Variants in STK3 observed in about 807,000 individuals in gnomAD.
STK3 encodes serine/threonine kinase 3.
Under a neutral mutation model 58.0 loss-of-function variants are expected in STK3, and 41 were observed. The ratio of observed to expected loss-of-function variants is 0.71; its 90% confidence interval spans 0.55 to 0.92. The LOEUF (loss-of-function observed/expected upper bound fraction) is 0.92, where lower values mean the gene tolerates loss of function less well. Ranked by LOEUF, STK3 falls within the 40% of genes least tolerant of loss-of-function variation. The pLI is 0.00. For synonymous variants in STK3, 170 were observed against 191.0 expected, an observed-to-expected ratio of 0.89 and a Z score of 0.91; for missense variants, 479 against 602.7, an observed-to-expected ratio of 0.79 and a Z score of 2.15.
intron 3 of STK3, among the ~76,000 whole-genome samples, chr8:98,870,412 C>A (rs548911492): frequency 6.6e-6 from 1 of 152,182 alleles, no homozygotes; most frequent in East Asian, 1.9e-4. Context: ...CTTCAGAAAT[C>A]GCCACACTGT....
intron 6 of STK3, among the ~76,000 whole-genome samples, chr8:98,693,815 G>A (rs1448068788): frequency 6.6e-6 from 1 of 152,182 alleles, no homozygotes; most frequent in Admixed American, 6.5e-5. Flanking sequence ...CCACTACAGA[G>A]AATCAGTTTT....
intron 3 of STK3, chr8:98,427,826 C>G: frequency 1.6e-6 from 1 of 626,240 alleles, no homozygotes; most frequent in South Asian, 2.0e-5. Flanking sequence ...CAGCCCAGCC[C>G]TTCAGCACCC....
In STK3 at chr8:98,614,767, G is replaced by A. The variant is rs188645692; in HGVS notation, c.685-18598C>T. The stretch of plus-strand genomic sequence containing the variant: ...TTTTCAGACCGGCTTAAAAAACGGC[G>A]CACCACGAGACTATATCCCACACCT... On this transcript the variant is annotated intron_variant, in intron 6 of 10. Coordinates refer to ENST00000419617, the MANE Select transcript of STK3 (RefSeq NM_006281.4). Among the ~76,000 whole-genome samples the A allele has an allele frequency of 5.0e-3, 757 of 152,244 alleles. 2 individuals carry two copies. Among genetic ancestry groups the A allele is most frequent in the Non-Finnish European group, 7.4e-3 (500 of 68,016 alleles).
chr8:98,771,304 T>G (rs1199412928), intron 2 of STK3, among the ~76,000 whole-genome samples: 2 of 152,234 alleles, frequency 1.3e-5, no homozygotes, highest in African/African-American at 4.8e-5. Context: ...AAAAGGTCAC[T>G]GTACAGACAT....
At chr8:98,544,611 T>G (rs1810544623) in intron 9 of STK3, among the ~76,000 whole-genome samples, 1 of 151,498 alleles carries the variant, frequency 6.6e-6, no homozygotes, top group South Asian at 2.1e-4. Flanking sequence ...CTGAAAGTTC[T>G]CTTAGCTTCC....
chr8:98,359,606 T>C, the STK3 span, among the ~76,000 whole-genome samples: 14 of 152,040 alleles, frequency 9.2e-5, no homozygotes, highest in Non-Finnish European at 1.5e-4. Context: ...GCCACTGTGA[T>C]CTCCCTCACT....
intron 3 of STK3, among the ~76,000 whole-genome samples, chr8:98,843,562 G>A (rs1419079097): frequency 6.6e-6 from 1 of 152,294 alleles, no homozygotes; most frequent in East Asian, 1.9e-4. Flanking sequence ...CTATCTTTTG[G>A]TAGCTCCTTT....
intron 10 of STK3, among the ~76,000 whole-genome samples, chr8:98,457,531 C>T (rs1306174513): frequency 1.3e-5 from 2 of 152,130 alleles, no homozygotes; most frequent in Non-Finnish European, 2.9e-5. Flanking sequence ...ATAATTTAAA[C>T]AACACAATTT....
At chr8:98,464,540 T>TAAAAAAAAAAAAAAAAAAAAAAAAA in intron 10 of STK3, among the ~76,000 whole-genome samples, 11 of 69,222 alleles carry the variant, frequency 1.6e-4, no homozygotes, top group African/African-American at 2.3e-4. Flanking sequence ...TACTTAAAGT[T>TAAAAAAAAAAAAAAAAAAAAAAAAA]AAAAAAAAAA....
chr8:98,730,715 C>CAACA (rs778561945), intron 4 of STK3, among the ~76,000 whole-genome samples: 2 of 66,384 alleles, frequency 3.0e-5, no homozygotes, highest in Non-Finnish European at 5.7e-5. Context: ...GACTCCGTCT[C>CAACA]AAAAAAAAAA....
intron 3 of STK3, among the ~76,000 whole-genome samples, chr8:98,834,638 C>A (rs1294537906): frequency 6.6e-6 from 1 of 152,172 alleles, no homozygotes; most frequent in African/African-American, 2.4e-5. Context: ...CAGCCATTTT[C>A]CCCCGTGTCT....
At position 98,636,215 on chromosome 8, in the gene STK3, G is replaced by A. The variant is rs1006933503; in HGVS notation, c.685-40046C>T. ...CTCACTGTACATATGGGAAAAAAGT[G>A]AGACATGGAGAGGTTAAATTGGGCA... On this transcript the variant is annotated intron_variant, in intron 6 of 10. Transcript: ENST00000419617. Among the ~76,000 whole-genome samples, 13 of 152,192 alleles carry A rather than the reference G, an allele frequency of 8.5e-5. No homozygotes were observed. In the East Asian group the frequency reaches 2.3e-3, roughly 27 times the overall value.
chr8:98,432,135 A>C (rs1158710101), intron 3 of STK3: 1 of 160,508 alleles, frequency 6.2e-6, no homozygotes, highest in Non-Finnish European at 1.5e-5. Context: ...GATAACATCT[A>C]ACCAGCAGTT....
At chr8:98,938,823 C>G (rs1840287988) in intron 1 of STK3, among the ~76,000 whole-genome samples, 1 of 151,994 alleles carries the variant, frequency 6.6e-6, no homozygotes, top group African/African-American at 2.4e-5. Context: ...CACAGAATCC[C>G]TAAAATGTGA....
At chr8:98,787,087 T>C (rs1253733503) in intron 1 of STK3, among the ~76,000 whole-genome samples, 1 of 144,184 alleles carries the variant, frequency 6.9e-6, no homozygotes, top group Non-Finnish European at 1.5e-5. Flanking sequence ...AAGAATCACT[T>C]GAACCCAGGA....
chr8:98,491,822 T>C (rs1473988075), intron 10 of STK3, among the ~76,000 whole-genome samples: 1 of 152,198 alleles, frequency 6.6e-6, no homozygotes, highest in Non-Finnish European at 1.5e-5. Context: ...AATAAAGTAA[T>C]TAAAAGCTAC....
intron 1 of STK3, among the ~76,000 whole-genome samples, chr8:98,790,031 A>AG (rs1832710542): frequency 6.7e-6 from 1 of 150,122 alleles, no homozygotes; most frequent in Non-Finnish European, 1.5e-5. Flanking sequence ...TTCATCTCAA[A>AG]AAAAAAAAAA....
At position 98,407,789 on chromosome 8, in the gene STK3, T is replaced by C. The variant is rs202078991; in HGVS notation, n.484-6276A>G. On this transcript the variant is annotated intron_variant and non_coding_transcript_variant, in intron 3 of 3. Coordinates refer to the STK3 transcript ENST00000517832. ...GCGCGCGCATGCATGGTATGACTACTGGCCCCTTAGCCTCCAGGCTGATTG... is the reference window on the plus strand; with the variant it reads ...GCGCGCGCATGCATGGTATGACTACCGGCCCCTTAGCCTCCAGGCTGATTG... Among the ~76,000 whole-genome samples, 8 of 151,596 alleles carry C rather than the reference T, an allele frequency of 5.3e-5. No homozygotes were observed. In the East Asian group the frequency reaches 1.6e-3, roughly 30 times the overall value.
rs181282798 is a variant in STK3 at position 98,593,651 on chromosome 8, G to T, written c.822+2381C>A. On this transcript the variant is annotated intron_variant, in intron 7 of 10. Coordinates refer to ENST00000419617, the MANE Select transcript of STK3 (RefSeq NM_006281.4). ...GATCCAAGTTGCATGCTCCTTATGA[G>T]AATCTAACTAATGCCTAATGATCTG... 3.3e-5 allele frequency among the ~76,000 whole-genome samples: 5 copies of T among 152,288 alleles called. No homozygotes were observed. The East Asian group carries it at 9.6e-4, about 29-fold the overall frequency.
Sources: gnomAD v4.1 joint callset for allele counts (sites outside exome capture counted in the v4.1 genomes callset) on GRCh38, gnomAD v4.1.1 for gene constraint, MANE v1.5 for transcripts, NCBI Gene and HGNC (gene_info 2026-07-23, HGNC 2026-07-21) for gene names.